STAB2: variants seen among roughly 807,000 people sequenced by gnomAD.
The protein encoded by STAB2 is stabilin-2.
STAB2 carries 288 observed loss-of-function variants against 338.1 expected under a neutral mutation model. The observed-to-expected ratio is 0.85, with a 90% CI of 0.77 to 0.94. STAB2 has a LOEUF of 0.94. Ranked by LOEUF, STAB2 falls within the 40% of genes least tolerant of loss-of-function variation. The probability of loss-of-function intolerance (pLI) is 0.00; values close to 1 mark genes in which losing one functional copy is unlikely to be tolerated. For synonymous variants in STAB2, 1,202 were observed against 1,193.3 expected, an observed-to-expected ratio of 1.01 and a Z score of -0.15; for missense variants, 3,141 against 3,210.1, an observed-to-expected ratio of 0.98 and a Z score of 0.52.
intron 28 of STAB2, among the ~76,000 whole-genome samples, chr12:103,689,505 A>G (rs994909839): frequency 1.4e-5 from 2 of 145,964 alleles, no homozygotes; most frequent in African/African-American, 5.0e-5. Flanking sequence ...AAAAAAAAAA[A>G]TGAATGCTCA....
chr12:103,651,630 G>T (rs1217979255), intron 11 of STAB2, among the ~76,000 whole-genome samples: 3 of 152,018 alleles, frequency 2.0e-5, no homozygotes, highest in Non-Finnish European at 4.4e-5. Context: ...GATTTTTATT[G>T]TGTGTTCTTG....
At position 103,766,476 on chromosome 12, in the gene STAB2, G is replaced by C. The variant is rs892327278; in HGVS notation, c.*140G>C. 2.0e-6 allele frequency: 2 copies of C among 1,002,952 alleles called. No homozygotes were observed. The highest frequency in any genetic ancestry group is 3.3e-5 in the African/African-American group (2 of 61,278). 62.1% of individuals were successfully genotyped at this position (1,002,952 alleles called of 1,614,324 possible). A position where few individuals can be genotyped will look rare whatever the true frequency, so the allele number is the denominator to read the frequency against. ...TACCTCATCTCTCTGGCTGATCTGG[G>C]GGTTGTTTCTGTGGGTGAGAGATGT... On this transcript the variant is annotated 3_prime_UTR_variant, in exon 69 of 69. Transcript: ENST00000388887.
chr12:103,612,665 T>C (rs961899025), intron 3 of STAB2, among the ~76,000 whole-genome samples: 13 of 152,220 alleles, frequency 8.5e-5, no homozygotes, highest in African/African-American at 1.7e-4. Flanking sequence ...TTTGATCATC[T>C]GAAGTCTTCT....
intron 26 of STAB2, among the ~76,000 whole-genome samples, chr12:103,683,558 G>A (rs1173138641): frequency 2.0e-5 from 3 of 152,134 alleles, no homozygotes; most frequent in African/African-American, 7.2e-5. Flanking sequence ...CAATCTTTAA[G>A]CACAAGTAAG....
At position 103,696,238 on chromosome 12, in the gene STAB2, T is replaced by A. The variant is rs118072346; in HGVS notation, c.3582+394T>A. The stretch of plus-strand genomic sequence containing the variant: ...AACCACATGGAGAAACCACATGGTT[T>A]CTCCAGAGCAGTGGTGGGAGAAAAG... On this transcript the variant is annotated intron_variant, in intron 33 of 68. Transcript: ENST00000388887. 3.5e-4 allele frequency among the ~76,000 whole-genome samples: 53 copies of A among 151,956 alleles called. No individual in the cohort carries two copies. The East Asian group carries it at 0.01, about 29-fold the overall frequency.
At chr12:103,621,897 A>G (rs1957307718) in intron 4 of STAB2, 145 bp from the exon 5 acceptor site, 1 of 708,598 alleles carries the variant, frequency 1.4e-6, no homozygotes, top group Non-Finnish European at 2.4e-6. Flanking sequence ...CAATGATAAC[A>G]CAAATAAACA....
intron 45 of STAB2, 95 bp downstream of exon 45, chr12:103,725,189 G>A (rs1881089721): frequency 1.3e-6 from 2 of 1,516,256 alleles, no homozygotes; most frequent in Non-Finnish European, 8.9e-7. Flanking sequence ...TTGGTGAAAT[G>A]TAAAGCGCTA....
At chr12:103,640,764 A>T (rs117887963) in intron 9 of STAB2, among the ~76,000 whole-genome samples, 5 of 152,222 alleles carry the variant, frequency 3.3e-5, no homozygotes, top group African/African-American at 1.2e-4. Flanking sequence ...AGCTCACATG[A>T]TAGAAAGAAG....
chr12:103,746,763 T>C, intron 58 of STAB2, 59 bp downstream of exon 58: 1 of 1,540,894 alleles, frequency 6.5e-7, no homozygotes, highest in Non-Finnish European at 9.0e-7. Context: ...GAGCAGGACT[T>C]GCTCACAGTG....
At chr12:103,722,276 T>G (rs1016285357) in intron 44 of STAB2, among the ~76,000 whole-genome samples, 2 of 152,172 alleles carry the variant, frequency 1.3e-5, no homozygotes, top group Admixed American at 6.5e-5. Context: ...GGAAAACCAC[T>G]TATCAAGTAT....
chr12:103,678,703 T>C (rs78126916), intron 25 of STAB2, among the ~76,000 whole-genome samples: 1 of 152,234 alleles, frequency 6.6e-6, no homozygotes, highest in East Asian at 1.9e-4. Context: ...ATTTTGTTTT[T>C]GTATTTTTAG....
intron 14 of STAB2, 22 bp from the exon 15 acceptor site, chr12:103,655,434 A>T: frequency 6.2e-7 from 1 of 1,613,210 alleles, no homozygotes; most frequent in Non-Finnish European, 8.5e-7. Flanking sequence ...TGCAGATACA[A>T]AATTTCATTT....
intron 3 of STAB2, among the ~76,000 whole-genome samples, chr12:103,615,175 C>T (rs921287020): frequency 6.6e-6 from 1 of 152,182 alleles, no homozygotes; most frequent in Admixed American, 6.5e-5. Context: ...TGCACAAAGG[C>T]TGTCTATGCC....
intron 10 of STAB2, among the ~76,000 whole-genome samples, 167 bp downstream of exon 10, chr12:103,648,990 A>G (rs1424270815): frequency 1.3e-5 from 2 of 152,196 alleles, no homozygotes; most frequent in African/African-American, 4.8e-5. Flanking sequence ...TGTTTCAAAG[A>G]AGACAAGCAA....
At position 103,749,082 on chromosome 12, in the gene STAB2, A is replaced by C. The variant is rs761727315; in HGVS notation, c.6364A>C (p.Thr2122Pro). The change falls in exon 59 of 69, where the codon ACA (threonine) becomes CCA (proline). Residue 2122 changes from threonine (T) to proline (P), a missense_variant. Coordinates refer to ENST00000388887, the MANE Select transcript of STAB2 (RefSeq NM_017564.10). ...KGYKGDGHSC[T>P]EIDPCADGLN... is the part of the protein sequence containing the mutation. ...ATACAAAGGGGACGGGCACAGCTGC[A>C]CAGAGATAGACCCCTGTGCAGACGG... 1 of 1,614,132 alleles carries C rather than the reference A, an allele frequency of 6.2e-7. No homozygotes were observed. Among genetic ancestry groups the C allele is most frequent in the South Asian group, 1.1e-5 (1 of 91,076 alleles).
chr12:103,601,858 A>G (rs757036677), intron 3 of STAB2, among the ~76,000 whole-genome samples: 2 of 152,196 alleles, frequency 1.3e-5, no homozygotes, highest in African/African-American at 4.8e-5. Flanking sequence ...ATAGAAAAGG[A>G]TGTTTCTAAG....
chr12:103,761,056 C>T (rs1884499141), intron 65 of STAB2, among the ~76,000 whole-genome samples: 1 of 152,176 alleles, frequency 6.6e-6, no homozygotes, highest in Non-Finnish European at 1.5e-5. Flanking sequence ...ACTCATCTGT[C>T]AGACAAGTGG....
intron 9 of STAB2, among the ~76,000 whole-genome samples, chr12:103,643,810 G>A (rs11111694): frequency 0.062 from 9,461 of 151,654 alleles, 967 homozygotes; most frequent in African/African-American, 0.22. Context: ...GCTATTAGCC[G>A]CCCCGACCGG....
intron 51 of STAB2, among the ~76,000 whole-genome samples, chr12:103,734,000 C>T (rs114675872): frequency 0.044 from 6,203 of 139,588 alleles, 185 homozygotes; most frequent in Middle Eastern, 0.12. Context: ...GCAAGCACGA[C>T]CATATAGGAG....
Sources: gnomAD v4.1 joint callset for allele counts (sites outside exome capture counted in the v4.1 genomes callset) on GRCh38, gnomAD v4.1.1 for gene constraint, MANE v1.5 for transcripts, NCBI Gene and HGNC (gene_info 2026-07-23, HGNC 2026-07-21) for gene names.